Variants in IL1RAP observed in about 807,000 individuals in gnomAD.
The protein encoded by IL1RAP is interleukin 1 receptor accessory protein.
IL1RAP carries 35 observed loss-of-function variants against 60.7 expected under a neutral mutation model. The observed-to-expected ratio is 0.58, with a 90% CI of 0.44 to 0.76. IL1RAP has a LOEUF of 0.76. Ranked by LOEUF, IL1RAP falls within the 30% of genes least tolerant of loss-of-function variation. IL1RAP has a pLI of 0.00. For missense variants in IL1RAP, 572 were observed against 693.9 expected (o/e 0.82, Z 1.97); for synonymous variants, 268 against 250.9 (o/e 1.07, Z -0.64).
At chr3:190,585,822 G>GA (rs1396639651) in intron 3 of IL1RAP, among the ~76,000 whole-genome samples, 3 of 151,080 alleles carry the variant, frequency 2.0e-5, no homozygotes, top group African/African-American at 7.3e-5. Context: ...CAAAAAAAAA[G>GA]AAAAAAAGAA....
intron 2 of IL1RAP, among the ~76,000 whole-genome samples, chr3:190,557,728 A>G (rs890015405): frequency 2.0e-5 from 3 of 152,338 alleles, no homozygotes; most frequent in African/African-American, 4.8e-5. Flanking sequence ...TAAACTGTCA[A>G]AAAGGCTCCA....
intron 6 of IL1RAP, among the ~76,000 whole-genome samples, chr3:190,622,500 A>G (rs1263899191): frequency 1.3e-5 from 2 of 152,106 alleles, no homozygotes; most frequent in Admixed American, 6.5e-5. Flanking sequence ...GTCACAAGCA[A>G]TAGGTTCCCG....
intron 7 of IL1RAP, 78 bp from the exon 8 acceptor site, chr3:190,627,245 T>C (rs1010262814): frequency 3.1e-6 from 4 of 1,274,758 alleles, no homozygotes; most frequent in Admixed American, 5.0e-5. Context: ...GGGCTAACTT[T>C]GTCTTTGTTT....
chr3:190,529,488 C>A (rs997162665), intron 1 of IL1RAP, among the ~76,000 whole-genome samples: 1 of 151,368 alleles, frequency 6.6e-6, no homozygotes, highest in African/African-American at 2.4e-5. Flanking sequence ...GAGATCAAGA[C>A]CATCTGGCCA....
intron 1 of IL1RAP, among the ~76,000 whole-genome samples, chr3:190,514,531 C>A (rs1721328124): frequency 6.6e-6 from 1 of 151,870 alleles, no homozygotes; most frequent in Non-Finnish European, 1.5e-5. Context: ...TCACCGCCCC[C>A]TCCCCGCTAC....
intron 3 of IL1RAP, among the ~76,000 whole-genome samples, chr3:190,588,684 T>G (rs866303212): frequency 2.6e-5 from 4 of 152,236 alleles, no homozygotes; most frequent in African/African-American, 7.2e-5. Context: ...TTTTCTAGAA[T>G]GTTTGTTTTC....
intron 3 of IL1RAP, among the ~76,000 whole-genome samples, chr3:190,573,011 C>T (rs370211429): frequency 0.03 from 2,792 of 94,226 alleles, 529 homozygotes; most frequent in South Asian, 0.09. Context: ...CTACAGGCGC[C>T]CGCCACCACG....
At position 190,645,790 on chromosome 3, in the gene IL1RAP, T is replaced by C. The variant is rs952548181; in HGVS notation, c.1293T>C (p.Asn431=). ...TGACCCTCCGTGGAGTTTTGGAGAA[T>C]GAATTTGGATACAAGCTGTGCATCT... ...VLLTLRGVLE[N]EFGYKLCIFD... is the part of the protein sequence containing the mutation. Residue 431 remains asparagine, a synonymous_variant, in exon 11 of 12, where the codon AAT becomes AAC. Transcript: ENST00000447382. 3.7e-6 allele frequency: 6 copies of C among 1,613,768 alleles called. No homozygotes were observed. The South Asian group carries it at 5.5e-5, about 15-fold the overall frequency.
rs180833282 is a variant in IL1RAP, at chr3:190,622,545, C to T, written c.704-799C>T. Among the ~76,000 whole-genome samples, 6 of 152,278 alleles carry T rather than the reference C, an allele frequency of 3.9e-5. No individual in the cohort carries two copies. The East Asian group carries it at 1.2e-3, about 29-fold the overall frequency. ...CAACTCTGCCTGAGTTGGCTACAAA[C>T]TTAAGATTCCTACTACTTCTTCCTC... On this transcript the variant is annotated intron_variant, in intron 6 of 11. Transcript: ENST00000447382.
chr3:190,514,634 C>T (rs1312827343), intron 1 of IL1RAP, among the ~76,000 whole-genome samples: 4 of 151,964 alleles, frequency 2.6e-5, no homozygotes, highest in African/African-American at 7.3e-5. Flanking sequence ...CACGCCCACT[C>T]GGTATCACGT....
rs146065063 is a variant in IL1RAP, at chr3:190,641,968, A to C, written c.1052-2280A>C. 4.7e-4 allele frequency among the ~76,000 whole-genome samples: 71 copies of C among 152,306 alleles called. No homozygotes were observed. The East Asian group carries it at 0.013, about 28-fold the overall frequency. On this transcript the variant is annotated intron_variant, in intron 9 of 11. Transcript: ENST00000447382. Reference sequence around the variant, plus strand: ...TTAAGGTGCCATTATTCATGGAAGGAGTAGAAGAGTACCTGGTAATAATTT... The same window carrying C: ...TTAAGGTGCCATTATTCATGGAAGGCGTAGAAGAGTACCTGGTAATAATTT...
intron 9 of IL1RAP, among the ~76,000 whole-genome samples, chr3:190,636,324 A>G (rs1402180713): frequency 1.3e-5 from 2 of 152,194 alleles, no homozygotes; most frequent in Admixed American, 1.3e-4. Context: ...ATCTTTACAT[A>G]TAATATGGAT....
At chr3:190,653,248 A>G (rs906709375), downstream of IL1RAP, among the ~76,000 whole-genome samples, 1 of 152,214 alleles carries the variant, frequency 6.6e-6, no homozygotes, top group Non-Finnish European at 1.5e-5. Context: ...TATTGTGTTC[A>G]CTAGACGTTG....
downstream of IL1RAP, chr3:190,655,843 T>C: frequency 1.5e-6 from 2 of 1,374,716 alleles, no homozygotes; most frequent in Non-Finnish European, 2.0e-6. Flanking sequence ...CTGGAATATA[T>C]GTAAGTTTTC....
At chr3:190,618,496 A>G (rs951186640) in intron 5 of IL1RAP, among the ~76,000 whole-genome samples, 1 of 152,188 alleles carries the variant, frequency 6.6e-6, no homozygotes, top group African/African-American at 2.4e-5. Context: ...GTTATCTAGA[A>G]TATCTCTGTC....
At chr3:190,549,768 C>G (rs372032592) in intron 1 of IL1RAP, among the ~76,000 whole-genome samples, 2 of 152,124 alleles carry the variant, frequency 1.3e-5, no homozygotes, top group Non-Finnish European at 2.9e-5. Context: ...CAGTTTGGAG[C>G]CTGCATCCAA....
At chr3:190,647,324 AG>A (rs1191782057) in intron 11 of IL1RAP, among the ~76,000 whole-genome samples, 2 of 152,190 alleles carry the variant, frequency 1.3e-5, no homozygotes, top group African/African-American at 4.8e-5. Context: ...GACTTCATAA[AG>A]GAATATATCA....
chr3:190,588,726 G>A (rs574635083), intron 3 of IL1RAP, among the ~76,000 whole-genome samples: 1 of 152,080 alleles, frequency 6.6e-6, no homozygotes, highest in African/African-American at 2.4e-5. Context: ...CTCTTGTTTT[G>A]CTTCCTTTGT....
intron 4 of IL1RAP, among the ~76,000 whole-genome samples, chr3:190,608,317 A>G (rs1012217832): frequency 6.6e-6 from 1 of 152,182 alleles, no homozygotes; most frequent in African/African-American, 2.4e-5. Flanking sequence ...TGAATACTGT[A>G]GGCAATTATC....
Sources: gnomAD v4.1 joint callset for allele counts (sites outside exome capture counted in the v4.1 genomes callset) on GRCh38, gnomAD v4.1.1 for gene constraint, MANE v1.5 for transcripts, NCBI Gene and HGNC (gene_info 2026-07-23, HGNC 2026-07-21) for gene names.